Variants in LMF1 observed in about 807,000 individuals in gnomAD.
LMF1 encodes the protein transmembrane protein 112.
A neutral mutation model predicts 60.6 loss-of-function variants in LMF1; 68 were observed. The observed-to-expected ratio is 1.12, with a 90% CI of 0.92 to 1.37. The LOEUF (loss-of-function observed/expected upper bound fraction) is 1.37, where lower values mean the gene tolerates loss of function less well. Among genes scored for constraint, LMF1 ranks in the 40% most tolerant of loss-of-function variants. The probability of loss-of-function intolerance (pLI) is 0.00; values close to 1 mark genes in which losing one functional copy is unlikely to be tolerated. For synonymous variants in LMF1, 418 were observed against 324.7 expected, an observed-to-expected ratio of 1.29 and a Z score of -3.09; for missense variants, 948 against 767.2, an observed-to-expected ratio of 1.24 and a Z score of -2.78.
chr16:944,245 G>A (rs2072181863), intron 2 of LMF1, among the ~76,000 whole-genome samples: 1 of 146,398 alleles, frequency 6.8e-6, no homozygotes. Context: ...CTCCCTACCT[G>A]CCACTTTCCA....
chr16:887,547 G>A (rs571911156), intron 5 of LMF1, among the ~76,000 whole-genome samples: 6 of 152,288 alleles, frequency 3.9e-5, no homozygotes, highest in South Asian at 4.1e-4. Flanking sequence ...CCATGTCCCT[G>A]GGGGGCGTCC....
chr16:901,692 C>T (rs12918967), intron 4 of LMF1: 2,631 of 152,306 alleles, frequency 0.017, 59 homozygotes, highest in Admixed American at 0.038. Flanking sequence ...CGTGCAGCCC[C>T]GGTGGGATGT....
At chr16:857,119 C>T (rs1016452961) in intron 10 of LMF1, among the ~76,000 whole-genome samples, 1 of 152,260 alleles carries the variant, frequency 6.6e-6, no homozygotes, top group African/African-American at 2.4e-5. Flanking sequence ...TCGTCGCTGA[C>T]CGGCGTCTGC....
At chr16:900,526 T>C (rs1281216938) in intron 4 of LMF1, 1 of 152,236 alleles carries the variant, frequency 6.6e-6, no homozygotes, top group Non-Finnish European at 1.5e-5. Context: ...TTTTATTTTT[T>C]TGAGCTGGAG....
chr16:935,782 C>A (rs554682452), intron 2 of LMF1, among the ~76,000 whole-genome samples: 2 of 152,230 alleles, frequency 1.3e-5, no homozygotes, highest in Non-Finnish European at 2.9e-5. Context: ...GCCCTCAGGG[C>A]CCACTGCCCA....
chr16:857,877 A>T (rs867467037), intron 10 of LMF1, among the ~76,000 whole-genome samples: 16 of 54,896 alleles, frequency 2.9e-4, no homozygotes, highest in Admixed American at 5.9e-4. Flanking sequence ...GCGTGGTGTC[A>T]CGGGATGGGT....
At position 914,219 on chromosome 16, in the gene LMF1, T is replaced by A. The variant is rs1289342564; in HGVS notation, c.515-3140A>T. 2.6e-5 allele frequency among the ~76,000 whole-genome samples: 4 copies of A among 152,090 alleles called. No homozygotes were observed. In the East Asian group the frequency reaches 5.8e-4, roughly 22 times the overall value. On this transcript the variant is annotated intron_variant, in intron 3 of 10. Transcript: ENST00000262301. ...CCACCACTGCAACCTGGGCAGTCCC[T>A]GACCCCTCCTGGGAGGGGAGCAAAC...
Position 868,926 on chromosome 16 carries a change from G to T in LMF1, c.1529+18C>A, listed in dbSNP as rs761346513. On this transcript the variant is annotated intron_variant, in intron 10 of 10. Coordinates refer to ENST00000262301, the MANE Select transcript of LMF1 (RefSeq NM_022773.4). ...ATTTGGGGGAGACCCCTGAGCAGCG[G>T]CAGGGAGGGCATCCTACCTGGGCGG... 6.7e-7 allele frequency: 1 copy of T among 1,496,252 alleles called. No individual in the cohort carries two copies. Among genetic ancestry groups the T allele is most frequent in the South Asian group, 1.1e-5 (1 of 88,784 alleles). The allele number at this position is 1,496,252 out of a possible 1,614,324, so 92.7% of individuals were successfully genotyped here. A position where few individuals can be genotyped will look rare whatever the true frequency, so the allele number is the denominator to read the frequency against.
chr16:881,610 G>T (rs554579460), intron 5 of LMF1: 1 of 152,310 alleles, frequency 6.6e-6, no homozygotes. Flanking sequence ...AATGAGTGTC[G>T]TCTGTTAGGG....
At chr16:866,458 T>A (rs1235704478) in intron 10 of LMF1, among the ~76,000 whole-genome samples, 1 of 152,160 alleles carries the variant, frequency 6.6e-6, no homozygotes, top group Admixed American at 6.5e-5. Flanking sequence ...AGCTATTACG[T>A]AATACCACTC....
intron 4 of LMF1, among the ~76,000 whole-genome samples, chr16:907,755 C>T (rs1377209306): frequency 1.3e-5 from 2 of 152,182 alleles, no homozygotes; most frequent in Non-Finnish European, 2.9e-5. Flanking sequence ...CACTCTGCTG[C>T]TGTCACTTTC....
chr16:953,914 CA>C (rs1815514853), intron 2 of LMF1, among the ~76,000 whole-genome samples: 1 of 75,610 alleles, frequency 1.3e-5, no homozygotes, highest in Admixed American at 1.4e-4. Context: ...CACAGACACC[CA>C]CCCCAAACCA....
intron 6 of LMF1, among the ~76,000 whole-genome samples, chr16:877,199 A>T (rs2070016986): frequency 1.3e-5 from 2 of 152,200 alleles, no homozygotes; most frequent in Admixed American, 6.5e-5. Context: ...GCGTGGTGGC[A>T]CCTGTAGTCC....
Position 893,000 on chromosome 16 carries a change from C to T in LMF1, c.729+7G>A, listed in dbSNP as rs780723076. The T allele has an allele frequency of 1.2e-5, 18 of 1,546,688 alleles. No homozygotes were observed. Among genetic ancestry groups the T allele is most frequent in the Non-Finnish European group, 1.5e-5 (17 of 1,144,080 alleles). On this transcript the variant is annotated splice_region_variant and intron_variant, in intron 5 of 10. Coordinates refer to ENST00000262301, the MANE Select transcript of LMF1 (RefSeq NM_022773.4). ...TGCCCTGCCCTCACGCTGCACGGCACGCTCACCTCATAGTGGAAGTCCATG... is the reference window on the plus strand; with the variant it reads ...TGCCCTGCCCTCACGCTGCACGGCATGCTCACCTCATAGTGGAAGTCCATG...
At chr16:868,519 A>C (rs2069675490) in intron 10 of LMF1, among the ~76,000 whole-genome samples, 1 of 152,138 alleles carries the variant, frequency 6.6e-6, no homozygotes, top group Non-Finnish European at 1.5e-5. Context: ...TGCAGGGCCC[A>C]CAGGGCTCTC....
intron 2 of LMF1, among the ~76,000 whole-genome samples, chr16:936,957 G>A (rs767702545): frequency 5.3e-5 from 8 of 152,114 alleles, no homozygotes; most frequent in Admixed American, 1.3e-4. Context: ...GCGACAGGGC[G>A]GGAGATCCTA....
intron 10 of LMF1, among the ~76,000 whole-genome samples, chr16:856,613 G>A (rs577265693): frequency 3.5e-4 from 53 of 152,350 alleles, no homozygotes; most frequent in Non-Finnish European, 5.4e-4. Flanking sequence ...GGGGGCCCAG[G>A]GCCTGGTCTC....
rs138265655 is a variant in LMF1 at position 867,511 on chromosome 16, G to C, written c.1529+1433C>G. Among the ~76,000 whole-genome samples the C allele has an allele frequency of 3.7e-3, 564 of 152,296 alleles. 2 individuals carry two copies. The highest frequency in any genetic ancestry group is 0.014 in the Middle Eastern group (4 of 294). On this transcript the variant is annotated intron_variant, in intron 10 of 10. Coordinates refer to ENST00000262301, the MANE Select transcript of LMF1 (RefSeq NM_022773.4). ...GGCAGTAACAGAGAAGACCCGTATT[G>C]AGCCTCGAAGGACGAGCTCTGGGGC...
At chr16:859,847 A>T (rs375538976) in intron 10 of LMF1, among the ~76,000 whole-genome samples, 134 of 15,166 alleles carry the variant, frequency 8.8e-3, no homozygotes, top group African/African-American at 0.025. Context: ...GAGTGGTGTC[A>T]CGGGATGGGT....
Sources: gnomAD v4.1 joint callset for allele counts (sites outside exome capture counted in the v4.1 genomes callset) on GRCh38, gnomAD v4.1.1 for gene constraint, MANE v1.5 for transcripts, NCBI Gene and HGNC (gene_info 2026-07-23, HGNC 2026-07-21) for gene names.